The following LIN52 variants were observed in gnomAD, a reference collection of about 807,000 sequenced individuals.
The protein encoded by LIN52 is protein lin-52 homolog.
A neutral mutation model predicts 18.5 loss-of-function variants in LIN52; 4 were observed. The ratio of observed to expected loss-of-function variants is 0.22; its 90% CI spans 0.11 to 0.49. LIN52 has a LOEUF of 0.49. Ranked by LOEUF, LIN52 falls within the 20% of genes least tolerant of loss-of-function variation. The pLI is 0.97. For synonymous variants in LIN52, 34 were observed against 45.5 expected, an observed-to-expected ratio of 0.75 and a Z score of 1.02; for missense variants, 102 against 139.5, an observed-to-expected ratio of 0.73 and a Z score of 1.35.
At chr14:74,136,324 G>A (rs1169316018) in intron 5 of LIN52, among the ~76,000 whole-genome samples, 2 of 152,158 alleles carry the variant, frequency 1.3e-5, no homozygotes, top group Admixed American at 6.5e-5. Flanking sequence ...AGTTTCACCT[G>A]TATGCCCAGT....
intron 5 of LIN52, among the ~76,000 whole-genome samples, chr14:74,146,853 G>A (rs2061154092): frequency 6.6e-6 from 1 of 152,160 alleles, no homozygotes; most frequent in Non-Finnish European, 1.5e-5. Flanking sequence ...GAATATGATT[G>A]AGAATCCAGA....
chr14:74,087,413 CAAAAAAAAAAA>C (rs59052804), intron 1 of LIN52, among the ~76,000 whole-genome samples: 2 of 100,240 alleles, frequency 2.0e-5, no homozygotes, highest in African/African-American at 3.8e-5. Context: ...GACTCCATTG[CAAAAAAAAAAA>C]AAAAAAAAAA....
intron 1 of LIN52, among the ~76,000 whole-genome samples, chr14:74,087,496 T>A (rs1323831132): frequency 6.6e-6 from 1 of 152,066 alleles, no homozygotes; most frequent in East Asian, 1.9e-4. Context: ...TCTTGATTTT[T>A]AAGTTTTCAT....
At chr14:74,138,900 G>A (rs1298174712) in intron 5 of LIN52, among the ~76,000 whole-genome samples, 1 of 151,276 alleles carries the variant, frequency 6.6e-6, no homozygotes, top group Non-Finnish European at 1.5e-5. Flanking sequence ...TATATAACAG[G>A]AAATCTAAAA....
chr14:74,109,135 C>T (rs185229171), intron 5 of LIN52, among the ~76,000 whole-genome samples: 28 of 152,204 alleles, frequency 1.8e-4, no homozygotes, highest in African/African-American at 6.0e-4. Context: ...TTCTTAGCAT[C>T]GTTTGTTGAA....
At chr14:74,162,449 G>A (rs1204288834) in intron 5 of LIN52, among the ~76,000 whole-genome samples, 1 of 125,310 alleles carries the variant, frequency 8.0e-6, no homozygotes, top group Non-Finnish European at 1.6e-5. Flanking sequence ...ACTCCAGCCT[G>A]AGCAACAAAG....
chr14:74,104,987 A>G (rs1426330573), intron 5 of LIN52, among the ~76,000 whole-genome samples: 2 of 152,238 alleles, frequency 1.3e-5, no homozygotes, highest in Non-Finnish European at 2.9e-5. Context: ...CTCATTGACT[A>G]GAATTTTTCT....
chr14:74,191,301 A>G (rs1048285767), intron 5 of LIN52, among the ~76,000 whole-genome samples: 1 of 152,192 alleles, frequency 6.6e-6, no homozygotes, highest in African/African-American at 2.4e-5. Flanking sequence ...GTGGGAAAGC[A>G]TGTCTTTGAC....
chr14:74,178,905 A>AC (rs1417801734), intron 5 of LIN52, among the ~76,000 whole-genome samples: 2 of 151,258 alleles, frequency 1.3e-5, no homozygotes, highest in African/African-American at 4.9e-5. Flanking sequence ...ACATAGTGAG[A>AC]CCCCATCTCT....
rs527795665 is a variant in LIN52 at position 74,136,764 on chromosome 14, T to A, written c.283+35526T>A. On this transcript the variant is annotated intron_variant, in intron 5 of 5. Coordinates refer to ENST00000555028, the MANE Select transcript of LIN52 (RefSeq NM_001024674.3). Reference sequence around the variant, plus strand: ...AATAAATATAGGTGCTGGAGAATGATTCAATCACATGTCTCCAGGTTGAAA... The same window carrying A: ...AATAAATATAGGTGCTGGAGAATGAATCAATCACATGTCTCCAGGTTGAAA... Among the ~76,000 whole-genome samples, 229 of 152,294 alleles carry A rather than the reference T, an allele frequency of 1.5e-3. 2 individuals are homozygous for A. The highest frequency in any genetic ancestry group is 5.4e-3 in the African/African-American group (224 of 41,566).
chr14:74,139,514 C>T (rs920643793), intron 5 of LIN52, among the ~76,000 whole-genome samples: 2 of 152,188 alleles, frequency 1.3e-5, no homozygotes, highest in Non-Finnish European at 2.9e-5. Context: ...CCAACATCTC[C>T]TGTTAAAGGA....
chr14:74,095,149 G>GTTTTTTTTT (rs35455851), intron 2 of LIN52, among the ~76,000 whole-genome samples: 6 of 103,734 alleles, frequency 5.8e-5, no homozygotes, highest in East Asian at 2.9e-4. Context: ...CCAACTAACT[G>GTTTTTTTTT]TTTTTTTTTT....
chr14:74,130,315 TGCCAA>T (rs891056441), intron 5 of LIN52, among the ~76,000 whole-genome samples: 26 of 133,072 alleles, frequency 2.0e-4, no homozygotes, highest in Non-Finnish European at 3.5e-4. Context: ...CTCGCTCTTT[TGCCAA>T]GCTGGAGTGC....
chr14:74,125,261 T>A (rs2061022197), intron 5 of LIN52, among the ~76,000 whole-genome samples: 3 of 152,268 alleles, frequency 2.0e-5, no homozygotes, highest in Admixed American at 6.5e-5. Flanking sequence ...TTTCTCCACA[T>A]CCTCTCCAGC....
chr14:74,162,475 C>CAAAAAAAAAA (rs35116380), intron 5 of LIN52, among the ~76,000 whole-genome samples: 2 of 95,344 alleles, frequency 2.1e-5, no homozygotes, highest in African/African-American at 4.1e-5. Flanking sequence ...CTCCATCTCA[C>CAAAAAAAAAA]AAAAAAAAAA....
chr14:74,127,772 T>G (rs2061036863), intron 5 of LIN52, among the ~76,000 whole-genome samples: 2 of 152,132 alleles, frequency 1.3e-5, no homozygotes, highest in Non-Finnish European at 2.9e-5. Context: ...AGATGGGGTC[T>G]TGCTATGTTG....
At chr14:74,112,536 T>C (rs192414087) in intron 5 of LIN52, among the ~76,000 whole-genome samples, 24 of 152,352 alleles carry the variant, frequency 1.6e-4, no homozygotes, top group Non-Finnish European at 2.8e-4. Context: ...CAGTGACTTA[T>C]CTTGTATCCT....
Position 74,199,448 on chromosome 14 carries a change from ATGCAGCCTGACC to A in LIN52, c.*474_*485del, listed in dbSNP as rs1347961372. 1.3e-5 allele frequency: 2 copies of A among 153,824 alleles called. No homozygotes were observed. Among genetic ancestry groups the A allele is most frequent in the Non-Finnish European group, 2.9e-5 (2 of 69,238 alleles). The allele number at this position is 153,824 out of a possible 1,614,324, so 9.5% of individuals were successfully genotyped here. A position where few individuals can be genotyped will look rare whatever the true frequency, so the allele number is the denominator to read the frequency against. On this transcript the variant is annotated 3_prime_UTR_variant, in exon 6 of 6. Transcript: ENST00000555028. Reference sequence around the variant, plus strand: ...GACCAAGTAGATTCTGGACCAGACCATGCAGCCTGACCTGTGAACTCTCCAGTATATACTAAG... The same window carrying A: ...GACCAAGTAGATTCTGGACCAGACCATGTGAACTCTCCAGTATATACTAAG...
chr14:74,111,248 T>C (rs1405114408), intron 5 of LIN52, among the ~76,000 whole-genome samples: 1 of 152,164 alleles, frequency 6.6e-6, no homozygotes, highest in Non-Finnish European at 1.5e-5. Flanking sequence ...GATTTGTAAT[T>C]TTAATATATA....
Sources: gnomAD v4.1 joint callset for allele counts (sites outside exome capture counted in the v4.1 genomes callset) on GRCh38, gnomAD v4.1.1 for gene constraint, MANE v1.5 for transcripts, NCBI Gene and HGNC (gene_info 2026-07-23, HGNC 2026-07-21) for gene names.